The following NEGR1 variants were observed in gnomAD, a reference collection of about 807,000 sequenced individuals.
The protein encoded by NEGR1 is neuronal growth regulator 1.
Under a neutral mutation model 40.9 loss-of-function variants are expected in NEGR1, and 10 were observed. That is an observed-to-expected ratio of 0.24 (90% CI 0.15 to 0.42). NEGR1 has a LOEUF of 0.42. Ranked by LOEUF, NEGR1 falls within the 10% of genes least tolerant of loss-of-function variation. The probability of loss-of-function intolerance (pLI) is 1.00; values close to 1 mark genes in which losing one functional copy is unlikely to be tolerated. For synonymous variants in NEGR1, 185 were observed against 166.8 expected, an observed-to-expected ratio of 1.11 and a Z score of -0.84; for missense variants, 352 against 438.9, an observed-to-expected ratio of 0.80 and a Z score of 1.77.
chr1:71,615,629 A>C (rs1391393426), intron 4 of NEGR1, among the ~76,000 whole-genome samples: 4 of 152,242 alleles, frequency 2.6e-5, no homozygotes, highest in Admixed American at 6.5e-5. Flanking sequence ...AATAGGTGAG[A>C]ATAATCTAGA....
At chr1:71,521,553 C>T (rs1304238934) in intron 6 of NEGR1, among the ~76,000 whole-genome samples, 2 of 151,980 alleles carry the variant, frequency 1.3e-5, no homozygotes, top group African/African-American at 4.8e-5. Context: ...AGTACATCAT[C>T]CTATCTCACT....
At chr1:71,795,307 T>C (rs1042475345) in intron 2 of NEGR1, among the ~76,000 whole-genome samples, 3 of 151,966 alleles carry the variant, frequency 2.0e-5, no homozygotes, top group Non-Finnish European at 2.9e-5. Flanking sequence ...TACTCCCAGA[T>C]TAACTAAATA....
At chr1:71,675,255 G>T (rs1049368704) in intron 4 of NEGR1, among the ~76,000 whole-genome samples, 1 of 150,176 alleles carries the variant, frequency 6.7e-6, no homozygotes, top group Non-Finnish European at 1.5e-5. Flanking sequence ...TTGAACTCAG[G>T]TCTGGTCTGA....
At chr1:71,578,847 AT>A (rs1437311520) in intron 6 of NEGR1, among the ~76,000 whole-genome samples, 1 of 152,204 alleles carries the variant, frequency 6.6e-6, no homozygotes, top group Non-Finnish European at 1.5e-5. Flanking sequence ...AGTAATTACT[AT>A]TTCTTTAAGA....
chr1:71,667,833 T>C (rs1434916716), intron 4 of NEGR1, among the ~76,000 whole-genome samples: 1 of 152,152 alleles, frequency 6.6e-6, no homozygotes, highest in Non-Finnish European at 1.5e-5. Flanking sequence ...TTCTCACTTG[T>C]AAAATAAGGG....
chr1:71,807,724 G>A (rs529742431), intron 2 of NEGR1, among the ~76,000 whole-genome samples: 4 of 152,248 alleles, frequency 2.6e-5, no homozygotes, highest in African/African-American at 9.6e-5. Context: ...GACAAATCCA[G>A]TAAGCAGTTT....
Position 71,581,634 on chromosome 1 carries a change from A to G in NEGR1, c.940+11183T>C, listed in dbSNP as rs949452125. ...AAGAATCTGTGAGAAGCAACTGACT[A>G]TATGGAATTTACAATAAAGATAATT... On this transcript the variant is annotated intron_variant, in intron 6 of 6. Transcript: ENST00000357731. 2.0e-5 allele frequency among the ~76,000 whole-genome samples: 3 copies of G among 152,116 alleles called. No individual in the cohort carries two copies. In the East Asian group the frequency reaches 5.8e-4, roughly 29 times the overall value.
intron 1 of NEGR1, among the ~76,000 whole-genome samples, chr1:71,993,002 C>A (rs6661979): frequency 5.9e-5 from 9 of 151,946 alleles, no homozygotes; most frequent in African/African-American, 1.9e-4. Context: ...GTACTCATTG[C>A]GGATTTCCAA....
intron 4 of NEGR1, among the ~76,000 whole-genome samples, chr1:71,658,194 T>C (rs1651936957): frequency 6.6e-6 from 1 of 152,236 alleles, no homozygotes; most frequent in Admixed American, 6.5e-5. Flanking sequence ...CAGGAATTGT[T>C]CATTTATCAC....
At chr1:71,819,651 T>C (rs999774893) in intron 2 of NEGR1, among the ~76,000 whole-genome samples, 1 of 151,932 alleles carries the variant, frequency 6.6e-6, no homozygotes, top group Non-Finnish European at 1.5e-5. Flanking sequence ...CTTTACTAAT[T>C]CCATAAAATG....
chr1:71,714,280 A>G (rs1219700072), intron 3 of NEGR1, among the ~76,000 whole-genome samples: 2 of 152,158 alleles, frequency 1.3e-5, no homozygotes, highest in Non-Finnish European at 2.9e-5. Context: ...TCCTCCTGGT[A>G]CTGCCCTTTA....
chr1:71,702,261 A>G (rs1653723433), intron 3 of NEGR1, among the ~76,000 whole-genome samples: 1 of 152,076 alleles, frequency 6.6e-6, no homozygotes, highest in Non-Finnish European at 1.5e-5. Context: ...ATCTCTGACC[A>G]GTGAATAAGA....
chr1:72,202,464 G>A (rs1375158962), intron 1 of NEGR1, among the ~76,000 whole-genome samples: 7 of 151,958 alleles, frequency 4.6e-5, no homozygotes, highest in Admixed American at 6.6e-5. Flanking sequence ...GATCTCTTGA[G>A]CAAAATAGCC....
intron 1 of NEGR1, among the ~76,000 whole-genome samples, chr1:72,146,541 A>G (rs1460055830): frequency 6.6e-6 from 1 of 151,960 alleles, no homozygotes; most frequent in Non-Finnish European, 1.5e-5. Flanking sequence ...ATGGTCCCAT[A>G]TATACAAACT....
At chr1:71,548,385 A>G (rs1460992000) in intron 6 of NEGR1, among the ~76,000 whole-genome samples, 1 of 151,608 alleles carries the variant, frequency 6.6e-6, no homozygotes, top group African/African-American at 2.4e-5. Context: ...CCATGCTGCC[A>G]CCAAATGCAA....
At chr1:71,726,437 A>G (rs527958470) in intron 3 of NEGR1, among the ~76,000 whole-genome samples, 6 of 152,212 alleles carry the variant, frequency 3.9e-5, no homozygotes, top group Admixed American at 1.3e-4. Context: ...CAAAAAGGGA[A>G]ATTTACTGTT....
intron 1 of NEGR1, among the ~76,000 whole-genome samples, chr1:72,080,584 A>G (rs2100527258): frequency 6.6e-6 from 1 of 152,286 alleles, no homozygotes; most frequent in African/African-American, 2.4e-5. Context: ...CTGAGATAAT[A>G]AATCAAATAT....
intron 4 of NEGR1, among the ~76,000 whole-genome samples, chr1:71,653,821 A>C (rs1297799834): frequency 6.6e-6 from 1 of 152,132 alleles, no homozygotes; most frequent in African/African-American, 2.4e-5. Context: ...TTTGAGAGAC[A>C]GCAAACCTGG....
intron 1 of NEGR1, among the ~76,000 whole-genome samples, chr1:72,148,162 C>T (rs1183656040): frequency 6.6e-6 from 1 of 152,148 alleles, no homozygotes; most frequent in Non-Finnish European, 1.5e-5. Flanking sequence ...AGCAGAGATG[C>T]TCCACGAGGA....
Sources: gnomAD v4.1 joint callset for allele counts (sites outside exome capture counted in the v4.1 genomes callset) on GRCh38, gnomAD v4.1.1 for gene constraint, MANE v1.5 for transcripts, NCBI Gene and HGNC (gene_info 2026-07-23, HGNC 2026-07-21) for gene names.